The following RAPGEF4 variants were observed in gnomAD, a reference collection of about 807,000 sequenced individuals.
RAPGEF4 encodes the protein Rap guanine nucleotide exchange factor 4, also known as RAP guanine-nucleotide-exchange factor (GEF) 4.
A neutral mutation model predicts 147.9 loss-of-function variants in RAPGEF4; 66 were observed. That is an observed-to-expected ratio of 0.45 (90% confidence interval 0.37 to 0.55). The LOEUF (loss-of-function observed/expected upper bound fraction) is 0.55. RAPGEF4 is among the 20% of genes least tolerant of loss of function. The pLI, the probability that RAPGEF4 is intolerant of heterozygous loss-of-function variation, is 0.00. For synonymous variants in RAPGEF4, 419 were observed against 442.7 expected, an observed-to-expected ratio of 0.95 and a Z score of 0.67; for missense variants, 1,071 against 1,257.3, an observed-to-expected ratio of 0.85 and a Z score of 2.24.
At chr2:172,977,603 G>A (rs1382228798) in intron 10 of RAPGEF4, among the ~76,000 whole-genome samples, 1 of 152,034 alleles carries the variant, frequency 6.6e-6, no homozygotes, top group Non-Finnish European at 1.5e-5. Context: ...GTGGGAGGGG[G>A]CTCCATTTTG....
Position 173,018,692 on chromosome 2 carries a change from C to T in RAPGEF4, c.2045C>T (p.Thr682Ile). 1 of 1,614,116 alleles carries T rather than the reference C, an allele frequency of 6.2e-7. No individual in the cohort carries two copies. The highest frequency in any genetic ancestry group is 1.3e-5 in the African/African-American group (1 of 75,018). ...FKVYCMDHTY[T>I]TIRVPVATSV... ...GTCTATTGCATGGACCACACCTACA[C>T]AACCATTCGGGTGCCAGTGGCCACT... Residue 682 changes from threonine to isoleucine, a missense_variant, in exon 22 of 31, where the codon ACA becomes ATA. Physicochemically the swap from Thr to Ile is moderately conservative, Grantham distance 89 (BLOSUM62 -1). Transcript: ENST00000397081.
In RAPGEF4 at chr2:172,830,778, T is replaced by C. The variant is rs147881730; in HGVS notation, c.444+16353T>C. On this transcript the variant is annotated intron_variant, in intron 4 of 30. Transcript: ENST00000397081. ...GCCACCACACCTGGTTAATTTGTTG[T>C]TGTTATTATTTTTATTTTAAAGAAA... is the stretch of plus-strand genomic sequence containing the variant. Among the ~76,000 whole-genome samples the C allele has an allele frequency of 8.8e-4, 134 of 152,286 alleles. 1 individual carries two copies. The highest frequency in any genetic ancestry group is 6.8e-3 in the Middle Eastern group (2 of 294).
At chr2:172,977,715 C>G (rs1463814440) in intron 10 of RAPGEF4, among the ~76,000 whole-genome samples, 1 of 152,132 alleles carries the variant, frequency 6.6e-6, no homozygotes, top group Non-Finnish European at 1.5e-5. Context: ...ATGTTGAGGC[C>G]CCTGAGGGAC....
At chr2:172,853,930 CTTAT>C (rs1365349775) in intron 4 of RAPGEF4, among the ~76,000 whole-genome samples, 6 of 151,904 alleles carry the variant, frequency 3.9e-5, no homozygotes, top group African/African-American at 1.4e-4. Flanking sequence ...TTTGTTTAGA[CTTAT>C]TTATAGCACA....
Position 172,759,037 on chromosome 2 carries a change from G to A in RAPGEF4, c.65+22989G>A, listed in dbSNP as rs115653658. Among the ~76,000 whole-genome samples the A allele has an allele frequency of 4.8e-3, 735 of 152,318 alleles. 8 individuals carry two copies. The highest frequency in any genetic ancestry group is 0.016 in the African/African-American group (684 of 41,566). Reference sequence around the variant, plus strand: ...GAAGAAGATAAAGGGAATGTCAACCGTGTTTTGAAAGGCAAGTAAAGATGT... The same window carrying A: ...GAAGAAGATAAAGGGAATGTCAACCATGTTTTGAAAGGCAAGTAAAGATGT... On this transcript the variant is annotated intron_variant, in intron 1 of 30. Transcript: ENST00000397081.
intron 1 of RAPGEF4, among the ~76,000 whole-genome samples, chr2:172,758,371 G>C (rs1210082921): frequency 6.6e-6 from 1 of 152,194 alleles, no homozygotes; most frequent in African/African-American, 2.4e-5. Context: ...TTTACTCTGA[G>C]TGAAATAGGA....
intron 29 of RAPGEF4, among the ~76,000 whole-genome samples, chr2:173,039,969 C>G (rs948758750): frequency 1.3e-5 from 2 of 152,028 alleles, no homozygotes; most frequent in African/African-American, 4.8e-5. Flanking sequence ...GTGGGCAGAT[C>G]GCCTGAGGTC....
intron 8 of RAPGEF4, among the ~76,000 whole-genome samples, chr2:172,964,845 TC>T (rs1188362506): frequency 6.6e-6 from 1 of 152,230 alleles, no homozygotes; most frequent in Non-Finnish European, 1.5e-5. Context: ...CTTATGCATT[TC>T]CTAACTAATG....
rs80185989 is a variant in RAPGEF4 at position 172,975,295 on chromosome 2, C to T, written c.1004+7851C>T. Among the ~76,000 whole-genome samples the T allele has an allele frequency of 6.1e-3, 923 of 152,308 alleles. 14 individuals are homozygous for T. Among genetic ancestry groups the T allele is most frequent in the African/African-American group, 0.021 (879 of 41,576 alleles). On this transcript the variant is annotated intron_variant, in intron 10 of 30. Coordinates refer to ENST00000397081, the MANE Select transcript of RAPGEF4 (RefSeq NM_007023.4). ...CACAGCAACCCTCTAGCCAGAACCA[C>T]AAACAAAACTTAATCACTAATATTT...
At chr2:172,824,678 C>G (rs1250726574) in intron 4 of RAPGEF4, among the ~76,000 whole-genome samples, 2 of 152,128 alleles carry the variant, frequency 1.3e-5, no homozygotes, top group East Asian at 3.9e-4. Flanking sequence ...CAAGATCATC[C>G]CCAAATTCCA....
At chr2:173,033,134 T>C (rs140002297) in intron 26 of RAPGEF4, among the ~76,000 whole-genome samples, 2 of 152,278 alleles carry the variant, frequency 1.3e-5, no homozygotes, top group East Asian at 3.9e-4. Context: ...TTTGCCGAAA[T>C]AAAAACATGA....
Position 173,011,170 on chromosome 2 carries a change from GCACACACA to G in RAPGEF4, c.1659-3262_1659-3255del, listed in dbSNP as rs1553548086. On this transcript the variant is annotated intron_variant, in intron 17 of 30. Transcript: ENST00000397081. The stretch of plus-strand genomic sequence containing the variant: ...AACCTTGGAACTTCAGCGCGCGCGC[GCACACACA>G]CACACACACACACACACACACACAC... 7.6e-3 allele frequency among the ~76,000 whole-genome samples: 1,009 copies of G among 133,570 alleles called. 13 individuals are homozygous for G. Among genetic ancestry groups the G allele is most frequent in the African/African-American group, 0.024 (843 of 34,864 alleles). 87.6% of individuals were successfully genotyped at this position (133,570 alleles called of 152,430 possible). A position where few individuals can be genotyped will look rare whatever the true frequency, so the allele number is the denominator to read the frequency against.
chr2:172,746,750 T>A (rs1305614016), intron 1 of RAPGEF4, among the ~76,000 whole-genome samples: 2 of 151,980 alleles, frequency 1.3e-5, no homozygotes, highest in African/African-American at 4.8e-5. Context: ...GTAGCTGGGA[T>A]TACAGATGTC....
At chr2:172,888,314 A>G (rs1217522949) in intron 4 of RAPGEF4, among the ~76,000 whole-genome samples, 2 of 152,224 alleles carry the variant, frequency 1.3e-5, no homozygotes, top group Non-Finnish European at 2.9e-5. Flanking sequence ...AGCCTTGACC[A>G]AGAAGACGGG....
At chr2:172,841,351 G>T (rs559083491) in intron 4 of RAPGEF4, among the ~76,000 whole-genome samples, 3 of 152,240 alleles carry the variant, frequency 2.0e-5, no homozygotes, top group African/African-American at 7.2e-5. Flanking sequence ...CGCCATGAGT[G>T]AAGGCAGCCC....
chr2:172,869,551 A>G (rs1694991939), intron 4 of RAPGEF4, among the ~76,000 whole-genome samples: 1 of 152,172 alleles, frequency 6.6e-6, no homozygotes, highest in South Asian at 2.1e-4. Context: ...TCACCCATGT[A>G]GCTGTGTATG....
At chr2:172,928,932 G>A (rs1685644005) in intron 6 of RAPGEF4, among the ~76,000 whole-genome samples, 1 of 152,316 alleles carries the variant, frequency 6.6e-6, no homozygotes, top group South Asian at 2.1e-4. Context: ...TGTCAGCAGG[G>A]AGGGAGGAGT....
rs1384615361 is a variant in RAPGEF4, at chr2:172,961,227, A to G, written c.697A>G (p.Arg233Gly). 1 of 1,570,270 alleles carries G rather than the reference A, an allele frequency of 6.4e-7. No homozygotes were observed. The highest frequency in any genetic ancestry group is 8.8e-7 in the Non-Finnish European group (1 of 1,140,160). The change falls in exon 8 of 31, where the codon AGA (arginine) becomes GGA (glycine). Residue 233 changes from arginine (R) to glycine (G), a missense_variant and splice_region_variant. Arg to Gly is a moderately radical substitution (Grantham distance 125, BLOSUM62 -2). Transcript: ENST00000397081. ...RDRKYHLKTY[R>G]QCCVGTELVD... is the part of the protein sequence containing the mutation. ...TAGAAAATACCACCTAAAGACATAC[A>G]GGTATGTGTGCTAATTCTAAAGGCT...
intron 4 of RAPGEF4, among the ~76,000 whole-genome samples, chr2:172,839,627 C>G (rs1691359964): frequency 1.3e-5 from 2 of 151,420 alleles, no homozygotes; most frequent in South Asian, 4.1e-4. Flanking sequence ...GACCTCCTAT[C>G]TCATCCTATG....
Sources: allele counts gnomAD v4.1 joint callset (sites outside exome capture counted in the v4.1 genomes callset), GRCh38; gene constraint gnomAD v4.1.1; transcripts MANE v1.5; gene names NCBI Gene and HGNC (gene_info 2026-07-23, HGNC 2026-07-21).